KIRREL1: variants seen among roughly 807,000 people sequenced by gnomAD.
KIRREL1 encodes kirre like nephrin family adhesion molecule 1.
Under a neutral mutation model 83.3 loss-of-function variants are expected in KIRREL1, and 25 were observed. The observed-to-expected ratio is 0.30, with a 90% CI of 0.22 to 0.42. The LOEUF is 0.42. Among genes scored for constraint, KIRREL1 ranks in the 10% least tolerant of loss-of-function variants. The probability of loss-of-function intolerance (pLI) is 1.00; values close to 1 mark genes in which losing one functional copy is unlikely to be tolerated. For missense variants in KIRREL1, 812 were observed against 1,032.3 expected (o/e 0.79, Z 2.92); for synonymous variants, 388 against 410.4 (o/e 0.95, Z 0.66).
At chr1:158,072,197 C>T (rs1193468144) in intron 1 of KIRREL1, among the ~76,000 whole-genome samples, 1 of 152,066 alleles carries the variant, frequency 6.6e-6, no homozygotes, top group Non-Finnish European at 1.5e-5. Flanking sequence ...AGGGTGCTGT[C>T]CTCTTCACCT....
chr1:158,061,386 C>A (rs1661211845), intron 1 of KIRREL1, among the ~76,000 whole-genome samples: 1 of 152,138 alleles, frequency 6.6e-6, no homozygotes, highest in South Asian at 2.1e-4. Context: ...GATGAGAGAT[C>A]CCCTCCCTAT....
intron 2 of KIRREL1, 117 bp from the exon 3 acceptor site, chr1:158,077,874 C>T: frequency 4.2e-6 from 5 of 1,200,042 alleles, no homozygotes; most frequent in Non-Finnish European, 6.0e-6. Context: ...TCTGGGGCCT[C>T]ACCTTCTCAC....
At chr1:158,026,551 A>G (rs142585403) in intron 1 of KIRREL1, among the ~76,000 whole-genome samples, 4 of 152,204 alleles carry the variant, frequency 2.6e-5, no homozygotes, top group African/African-American at 7.2e-5. Context: ...CATCCCAGCT[A>G]TATCACTTAC....
At chr1:158,058,279 A>G (rs1411736620) in intron 1 of KIRREL1, among the ~76,000 whole-genome samples, 1 of 152,098 alleles carries the variant, frequency 6.6e-6, no homozygotes, top group Non-Finnish European at 1.5e-5. Flanking sequence ...TGACTCCTCT[A>G]ACTTCCTAGG....
At chr1:158,045,202 C>T (rs184200381) in intron 1 of KIRREL1, among the ~76,000 whole-genome samples, 1 of 152,220 alleles carries the variant, frequency 6.6e-6, no homozygotes, top group Non-Finnish European at 1.5e-5. Flanking sequence ...TGCACATGTG[C>T]ACAAATCATG....
chr1:157,999,329 G>A (rs570833844), intron 1 of KIRREL1, among the ~76,000 whole-genome samples: 8 of 152,222 alleles, frequency 5.3e-5, no homozygotes, highest in East Asian at 1.9e-4. Context: ...TTCCTCCCAC[G>A]TTTAGAGTCT....
intron 1 of KIRREL1, among the ~76,000 whole-genome samples, chr1:158,070,041 A>G (rs1661469869): frequency 6.6e-6 from 1 of 151,766 alleles, no homozygotes; most frequent in Admixed American, 6.6e-5. Flanking sequence ...AGGGACATCT[A>G]GACCAAGTCT....
At chr1:158,040,367 G>GA (rs1298928890) in intron 1 of KIRREL1, among the ~76,000 whole-genome samples, 4 of 152,084 alleles carry the variant, frequency 2.6e-5, no homozygotes, top group Non-Finnish European at 5.9e-5. Flanking sequence ...ACATGGAAAA[G>GA]AAAAAAACTG....
chr1:158,095,201 C>T lies in KIRREL1; in HGVS notation c.*81C>T. ...TGTTCCCTGATATTCAGGGGCATTG[C>T]TCATTGCTCCCTTCTCGGACCAGCC... On this transcript the variant is annotated 3_prime_UTR_variant, in exon 15 of 15. Transcript: ENST00000359209. 4 of 1,025,826 alleles carry T rather than the reference C, an allele frequency of 3.9e-6. No individual in the cohort carries two copies. Among genetic ancestry groups the T allele is most frequent in the Non-Finnish European group, 5.6e-6 (4 of 710,486 alleles). 63.5% of individuals were successfully genotyped at this position (1,025,826 alleles called of 1,614,324 possible).
At chr1:158,056,592 C>T (rs766647430) in intron 1 of KIRREL1, among the ~76,000 whole-genome samples, 13 of 152,212 alleles carry the variant, frequency 8.5e-5, no homozygotes, top group Non-Finnish European at 1.5e-4. Context: ...CCCTCAACCA[C>T]CTCTCCCTTG....
intron 1 of KIRREL1, among the ~76,000 whole-genome samples, chr1:158,003,174 T>G (rs925053022): frequency 2.6e-5 from 4 of 152,062 alleles, no homozygotes; most frequent in African/African-American, 9.7e-5. Context: ...AAGCCATGAG[T>G]TGCTTTTAAC....
rs1553241955 is a variant in KIRREL1 at position 158,069,340 on chromosome 1, G to GTGTA, written c.53-6770_53-6769insATGT. Among the ~76,000 whole-genome samples, 822 of 135,770 alleles carry GTGTA rather than the reference G, an allele frequency of 6.1e-3. 6 individuals are homozygous for GTGTA. The highest frequency in any genetic ancestry group is 0.021 in the African/African-American group (785 of 37,654). The allele number at this position is 135,770 out of a possible 152,430, so 89.1% of individuals were successfully genotyped here. ...TGTGTGTGTGTGTGTGTGTGTGTGT[G>GTGTA]TGTGAATCTAAGCATTTCCAGCCCC... is the stretch of plus-strand genomic sequence containing the variant. On this transcript the variant is annotated intron_variant, in intron 1 of 14. Coordinates refer to ENST00000359209, the MANE Select transcript of KIRREL1 (RefSeq NM_018240.7).
chr1:158,026,361 ACTTG>A (rs1487839272), intron 1 of KIRREL1, among the ~76,000 whole-genome samples: 2 of 152,042 alleles, frequency 1.3e-5, no homozygotes, highest in African/African-American at 2.4e-5. Context: ...TTCACTGTAG[ACTTG>A]CTTATCTGGG....
In KIRREL1 at chr1:158,091,435, T is replaced by C; in HGVS notation, c.1350T>C (p.Ser450=). ...RYTVERTNSG[S]GVLSTLTINN... is the part of the protein sequence containing the mutation. ...CAGTGGAGAGGACCAACTCAGGCAG[T>C]GGGGTGCTATCCACGCTCACCATCA... Residue 450 remains serine, a synonymous_variant, in exon 11 of 15, where the codon AGT becomes AGC. Coordinates refer to ENST00000359209, the MANE Select transcript of KIRREL1 (RefSeq NM_018240.7). 1 of 1,614,008 alleles carries C rather than the reference T, an allele frequency of 6.2e-7. No homozygotes were observed. The highest frequency in any genetic ancestry group is 8.5e-7 in the Non-Finnish European group (1 of 1,179,938).
At chr1:157,994,089 C>G (rs1026065086) in intron 1 of KIRREL1, among the ~76,000 whole-genome samples, 2 of 152,196 alleles carry the variant, frequency 1.3e-5, no homozygotes, top group East Asian at 1.9e-4. Context: ...GTTCCGGACG[C>G]CTGAGTCCAG....
At chr1:158,033,798 G>A (rs1013117486) in intron 1 of KIRREL1, among the ~76,000 whole-genome samples, 1 of 152,142 alleles carries the variant, frequency 6.6e-6, no homozygotes, top group Non-Finnish European at 1.5e-5. Flanking sequence ...TGGCCAACAT[G>A]GTGAAACCCC....
Position 158,100,251 on chromosome 1 carries a change from T to G in KIRREL1, c.*5131T>G, listed in dbSNP as rs1662459228. ...TTTTTTATATATATAAATATAAATG[T>G]TTTAAAAAGTACCATGTTTTGTGTT... On this transcript the variant is annotated 3_prime_UTR_variant, in exon 15 of 15. Coordinates refer to ENST00000359209, the MANE Select transcript of KIRREL1 (RefSeq NM_018240.7). The G allele has an allele frequency of 6.6e-6, 1 of 150,486 alleles. No individual in the cohort carries two copies. Among genetic ancestry groups the G allele is most frequent in the African/African-American group, 2.4e-5 (1 of 41,188 alleles). 9.3% of individuals were successfully genotyped at this position (150,486 alleles called of 1,614,324 possible). A position where few individuals can be genotyped will look rare whatever the true frequency, so the allele number is the denominator to read the frequency against.
intron 1 of KIRREL1, among the ~76,000 whole-genome samples, chr1:158,070,844 C>T (rs1661491319): frequency 6.6e-6 from 1 of 152,128 alleles, no homozygotes; most frequent in South Asian, 2.1e-4. Flanking sequence ...GCCAAATTCC[C>T]TATTGCTCTC....
chr1:158,059,665 T>C lies in KIRREL1; in HGVS notation c.53-16448T>C, dbSNP rs139078190. 6.5e-4 allele frequency among the ~76,000 whole-genome samples: 99 copies of C among 152,262 alleles called. No homozygotes were observed. The Middle Eastern group carries it at 0.01, about 16-fold the overall frequency. On this transcript the variant is annotated intron_variant, in intron 1 of 14. Transcript: ENST00000359209. The stretch of plus-strand genomic sequence containing the variant: ...TACTCACCTGGGGTGTGGGATTTAC[T>C]AGTGCTCAGTATGAGCATCAGGGTA...
Sources: gnomAD v4.1 joint callset for allele counts (sites outside exome capture counted in the v4.1 genomes callset) on GRCh38, gnomAD v4.1.1 for gene constraint, MANE v1.5 for transcripts, NCBI Gene and HGNC (gene_info 2026-07-23, HGNC 2026-07-21) for gene names.